Variants in REM1 observed in about 807,000 individuals in gnomAD.
The protein encoded by REM1 is RRAD and GEM like GTPase 1.
A neutral mutation model predicts 27.0 loss-of-function variants in REM1; 20 were observed. The observed-to-expected ratio is 0.74, with a 90% CI of 0.52 to 1.08. REM1 has a LOEUF of 1.08. REM1 is among the 50% of genes least tolerant of loss of function. The probability of loss-of-function intolerance (pLI) is 0.00; values close to 1 mark genes in which losing one functional copy is unlikely to be tolerated. For synonymous variants in REM1, 159 were observed against 167.9 expected (o/e 0.95, Z 0.41); for missense variants, 405 against 407.0 (o/e 1.00, Z 0.04).
chr20:31,476,888 T>A, intron 2 of REM1, 103 bp downstream of exon 2: 2 of 966,082 alleles, frequency 2.1e-6, no homozygotes, highest in Non-Finnish European at 3.0e-6. Flanking sequence ...CATGCACTGT[T>A]CAACTCTAAG....
At chr20:31,482,520 C>T (rs1309449427) in intron 4 of REM1, 32 bp downstream of exon 4, 1 of 1,601,690 alleles carries the variant, frequency 6.2e-7, no homozygotes, top group Non-Finnish European at 8.5e-7. Flanking sequence ...CTCCTCTTCA[C>T]CTGGGCCCCA....
In REM1 at chr20:31,476,333, C is replaced by A. The variant is rs745674430; in HGVS notation, c.-113C>A. 5.5e-5 allele frequency: 47 copies of A among 850,130 alleles called. No individual in the cohort carries two copies. Among genetic ancestry groups the A allele is most frequent in the Non-Finnish European group, 8.6e-5 (46 of 533,086 alleles). The allele number at this position is 850,130 out of a possible 1,614,324, so 52.7% of individuals were successfully genotyped here. ...AGAGGGGGATCTGGAAGAAGCCATACAGCAGCTCATCAGGACACTATAGAA... is the reference window on the plus strand; with the variant it reads ...AGAGGGGGATCTGGAAGAAGCCATAAAGCAGCTCATCAGGACACTATAGAA... On this transcript the variant is annotated 5_prime_UTR_variant, in exon 2 of 5. Transcript: ENST00000201979.
chr20:31,479,340 G>A (rs866703005), intron 3 of REM1, among the ~76,000 whole-genome samples: 12 of 152,160 alleles, frequency 7.9e-5, no homozygotes, highest in African/African-American at 1.4e-4. Context: ...CTCTGGCTTC[G>A]TGGACCTCAC....
intron 3 of REM1, among the ~76,000 whole-genome samples, chr20:31,479,958 G>A (rs566397408): frequency 6.0e-4 from 92 of 152,140 alleles, no homozygotes; most frequent in Non-Finnish European, 1.1e-3. Context: ...GTGTGGTGGT[G>A]CATGCCTGTA....
In REM1 at chr20:31,476,747, C is replaced by A; in HGVS notation, c.302C>A (p.Ala101Glu). The A allele has an allele frequency of 1.2e-6, 2 of 1,613,326 alleles. No individual in the cohort carries two copies. Among genetic ancestry groups the A allele is most frequent in the Non-Finnish European group, 1.7e-6 (2 of 1,179,636 alleles). The change falls in exon 2 of 5, where the codon GCA (alanine) becomes GAA (glutamate). Residue 101 changes from alanine (A) to glutamate (E), a missense_variant. Transcript: ENST00000201979. The part of the protein sequence containing the change: ...VGKTSLASLF[A>E]GKQERDLHEQ... Reference sequence around the variant, plus strand: ...AAGACCAGCTTGGCCAGCCTCTTTGCAGGGAAGCAAGAGAGGGACCTCCAT... The same window carrying A: ...AAGACCAGCTTGGCCAGCCTCTTTGAAGGGAAGCAAGAGAGGGACCTCCAT...
rs113010491 is a variant in REM1 at position 31,476,438 on chromosome 20, T to C, written c.-8T>C. The C allele has an allele frequency of 9.8e-5, 150 of 1,536,054 alleles. No homozygotes were observed. The highest frequency in any genetic ancestry group is 7.9e-4 in the African/African-American group (51 of 64,506). On this transcript the variant is annotated 5_prime_UTR_variant, in exon 2 of 5. Coordinates refer to ENST00000201979, the MANE Select transcript of REM1 (RefSeq NM_014012.6). ...AAGAAGGAAGAAGCAAACCCCCCCC[T>C]ACCAAAGATGACACTCAACACCGAG...
In REM1 at chr20:31,477,810, C is replaced by T; in HGVS notation, c.341-18C>T. ...CTTGCCCGTCCTCCCTGAGATCCAG[C>T]TCTTCCCTCGGTTGCAGAAGATGTA... is the stretch of plus-strand genomic sequence containing the variant. On this transcript the variant is annotated intron_variant, in intron 2 of 4. Coordinates refer to ENST00000201979, the MANE Select transcript of REM1 (RefSeq NM_014012.6). 1 of 1,605,254 alleles carries T rather than the reference C, an allele frequency of 6.2e-7. No individual in the cohort carries two copies. Among genetic ancestry groups the T allele is most frequent in the Non-Finnish European group, 8.5e-7 (1 of 1,174,618 alleles).
intron 3 of REM1, among the ~76,000 whole-genome samples, chr20:31,480,246 C>CAT (rs1568762888): frequency 7.5e-4 from 40 of 53,530 alleles, no homozygotes; most frequent in African/African-American, 5.4e-3. Flanking sequence ...TACATACATA[C>CAT]ACACATACAT....
Position 31,476,425 on chromosome 20 carries a change from G to C in REM1, c.-21G>C. The C allele has an allele frequency of 6.5e-7, 1 of 1,531,636 alleles. No individual in the cohort carries two copies. Among genetic ancestry groups the C allele is most frequent in the Non-Finnish European group, 8.8e-7 (1 of 1,139,996 alleles). The allele number at this position is 1,531,636 out of a possible 1,614,324, so 94.9% of individuals were successfully genotyped here. ...TCTTTCAGAAGGAAAGAAGGAAGAAGCAAACCCCCCCCTACCAAAGATGAC... is the reference window on the plus strand; with the variant it reads ...TCTTTCAGAAGGAAAGAAGGAAGAACCAAACCCCCCCCTACCAAAGATGAC... On this transcript the variant is annotated 5_prime_UTR_variant, in exon 2 of 5. Transcript: ENST00000201979.
In REM1 at chr20:31,475,734, AGCGCCAGCC is replaced by A. The variant is rs1980471601; in HGVS notation, c.-220+371_-220+379del. On this transcript the variant is annotated intron_variant, in intron 1 of 4. Transcript: ENST00000201979. The surrounding 1 kb of genome is among the most constrained non-coding windows in gnomAD (Gnocchi z 5.0). ...GTCCCCAAAAGCAGTTGGAGGCCGTAGCGCCAGCCGCTCCTGAATTTTTCACACAGGGGG... is the reference window on the plus strand; with the variant it reads ...GTCCCCAAAAGCAGTTGGAGGCCGTAGCTCCTGAATTTTTCACACAGGGGG... Among the ~76,000 whole-genome samples, 1 of 152,190 alleles carries A rather than the reference AGCGCCAGCC, an allele frequency of 6.6e-6. No individual in the cohort carries two copies. Among genetic ancestry groups the A allele is most frequent in the Non-Finnish European group, 1.5e-5 (1 of 68,032 alleles).
In REM1 at chr20:31,477,822, T is replaced by G; in HGVS notation, c.341-6T>G. 6.2e-7 allele frequency: 1 copy of G among 1,610,578 alleles called. No homozygotes were observed. Among genetic ancestry groups the G allele is most frequent in the African/African-American group, 1.3e-5 (1 of 74,934 alleles). ...CCCTGAGATCCAGCTCTTCCCTCGG[T>G]TGCAGAAGATGTATATGAGAGGACC... On this transcript the variant is annotated splice_region_variant and splice_polypyrimidine_tract_variant and intron_variant, in intron 2 of 4. Transcript: ENST00000201979.
intron 4 of REM1, 48 bp from the exon 5 acceptor site, chr20:31,484,111 G>A (rs1196520700): frequency 1.5e-5 from 23 of 1,506,334 alleles, no homozygotes; most frequent in Non-Finnish European, 2.0e-5. Flanking sequence ...CTTTTTCTCC[G>A]CCTTCCGTTA....
chr20:31,476,620 C>T lies in REM1; in HGVS notation c.175C>T (p.Pro59Ser). 6.2e-7 allele frequency: 1 copy of T among 1,614,168 alleles called. No homozygotes were observed. The highest frequency in any genetic ancestry group is 1.3e-5 in the African/African-American group (1 of 75,042). Residue 59 changes from proline (P) to serine (S), a missense_variant, in exon 2 of 5, where the codon CCT (proline) becomes TCT (serine). Physicochemically the swap from Pro to Ser is moderately conservative, Grantham distance 74 (BLOSUM62 -1). Coordinates refer to ENST00000201979, the MANE Select transcript of REM1 (RefSeq NM_014012.6). ...CTCCCTCAACCCTCCCACCCAGAAA[C>T]CTTCACCTGCCCCAGATGATTGGTC... The part of the protein sequence containing the change: ...SASLNPPTQK[P>S]SPAPDDWSSE...
intron 4 of REM1, 108 bp from the exon 5 acceptor site, chr20:31,484,051 G>C: frequency 7.9e-7 from 1 of 1,265,358 alleles, no homozygotes; most frequent in Non-Finnish European, 1.1e-6. Context: ...CACCAGGCAT[G>C]AGCACAGGAA....
intron 4 of REM1, among the ~76,000 whole-genome samples, chr20:31,483,677 G>A (rs1165929463): frequency 6.7e-6 from 1 of 149,130 alleles, no homozygotes. Flanking sequence ...ACCCAGAAAG[G>A]AAAAAGCTAG....
At position 31,484,225 on chromosome 20, in the gene REM1, A is replaced by G. The variant is rs1980836878; in HGVS notation, c.692A>G (p.Asn231Ser). The G allele has an allele frequency of 1.6e-5, 26 of 1,609,294 alleles. No individual in the cohort carries two copies. Among genetic ancestry groups the G allele is most frequent in the Non-Finnish European group, 2.1e-5 (25 of 1,178,762 alleles). Residue 231 changes from asparagine (N) to serine (S), a missense_variant, in exon 5 of 5, where the codon AAT becomes AGT. Asn to Ser is a conservative substitution (Grantham distance 46). Transcript: ENST00000201979. ...FIETSATLQH[N>S]VAELFEGVVR... is the part of the protein sequence containing the mutation. ...GAGACATCCGCCACGCTGCAGCACA[A>G]TGTGGCCGAGCTCTTCGAGGGCGTG...
At chr20:31,479,698 C>CTGAT (rs1251634288) in intron 3 of REM1, among the ~76,000 whole-genome samples, 1 of 152,188 alleles carries the variant, frequency 6.6e-6, no homozygotes, top group African/African-American at 2.4e-5. Context: ...ACATGGTACT[C>CTGAT]TGATATCAGA....
intron 3 of REM1, 68 bp downstream of exon 3, chr20:31,477,978 CTCCT>C: frequency 1.8e-5 from 17 of 965,276 alleles, no homozygotes; most frequent in Middle Eastern, 2.1e-4. Flanking sequence ...TTCCTGTCCC[CTCCT>C]GGGGACACTA....
At chr20:31,482,532 T>G in intron 4 of REM1, 44 bp downstream of exon 4, 1 of 1,566,788 alleles carries the variant, frequency 6.4e-7, no homozygotes, top group Non-Finnish European at 8.8e-7. Context: ...TGGGCCCCAC[T>G]GTCATGGCTG....
Sources: allele counts gnomAD v4.1 joint callset (sites outside exome capture counted in the v4.1 genomes callset), GRCh38; gene constraint gnomAD v4.1.1; non-coding constraint Gnocchi (gnomAD v3.1); transcripts MANE v1.5; gene names NCBI Gene and HGNC (gene_info 2026-07-23, HGNC 2026-07-21).